The following PCBD2 variants were observed in gnomAD, a reference collection of about 807,000 sequenced individuals.
The protein encoded by PCBD2 is pterin-4 alpha-carbinolamine dehydratase 2, also known as pterin-4-alpha-carbinolamine dehydratase 2.
A neutral mutation model predicts 16.4 loss-of-function variants in PCBD2; 12 were observed. The observed-to-expected ratio is 0.73, with a 90% CI of 0.47 to 1.19. The LOEUF (loss-of-function observed/expected upper bound fraction) is 1.19. PCBD2 is among the 50% of genes most tolerant of loss of function. The pLI is 0.00. For missense variants in PCBD2, 138 were observed against 156.8 expected, an observed-to-expected ratio of 0.88 and a Z score of 0.64; for synonymous variants, 58 against 61.8, an observed-to-expected ratio of 0.94 and a Z score of 0.29.
At chr5:134,937,863 G>A (rs1010020493) in intron 2 of PCBD2, among the ~76,000 whole-genome samples, 7 of 152,344 alleles carry the variant, frequency 4.6e-5, no homozygotes, top group African/African-American at 1.4e-4. Flanking sequence ...TGATGCAAGC[G>A]TAAGTCTTCA....
At chr5:134,944,600 C>G (rs1751269460) in intron 2 of PCBD2, among the ~76,000 whole-genome samples, 1 of 151,852 alleles carries the variant, frequency 6.6e-6, no homozygotes, top group Non-Finnish European at 1.5e-5. Flanking sequence ...CACACCTGGT[C>G]CAGATTGTAC....
chr5:134,931,771 C>A (rs1187012393), intron 2 of PCBD2, among the ~76,000 whole-genome samples: 1 of 152,240 alleles, frequency 6.6e-6, no homozygotes, highest in East Asian at 1.9e-4. Flanking sequence ...CTCTGCTATT[C>A]AGAATTGAAT....
intron 2 of PCBD2, among the ~76,000 whole-genome samples, chr5:134,940,249 C>T (rs1017614791): frequency 1.3e-5 from 2 of 152,264 alleles, no homozygotes; most frequent in Admixed American, 6.5e-5. Flanking sequence ...CAAACTCTAA[C>T]AATTGTAAGG....
chr5:134,946,480 A>G (rs1751297017), intron 2 of PCBD2, among the ~76,000 whole-genome samples: 1 of 152,176 alleles, frequency 6.6e-6, no homozygotes, highest in South Asian at 2.1e-4. Flanking sequence ...TATTTGGATG[A>G]TGTACTTTTC....
rs191307925 is a variant in PCBD2 at position 134,943,854 on chromosome 5, C to T, written c.217-15186C>T. On this transcript the variant is annotated intron_variant, in intron 2 of 3. Coordinates refer to ENST00000254908, the MANE Select transcript of PCBD2 (RefSeq NM_032151.5). ...CCTATTTTACACTGATCTTTATGAG[C>T]AAAGATAATTATATATATTTGCCTG... 7.9e-5 allele frequency among the ~76,000 whole-genome samples: 12 copies of T among 152,254 alleles called. No individual in the cohort carries two copies. In the East Asian group the frequency reaches 2.3e-3, roughly 29 times the overall value.
intron 2 of PCBD2, among the ~76,000 whole-genome samples, chr5:134,951,068 A>C (rs1751354292): frequency 6.6e-6 from 1 of 152,310 alleles, no homozygotes. Context: ...TTTTTAAAAA[A>C]TAGATCAGGT....
At chr5:134,916,402 G>A (rs1274122038) in intron 2 of PCBD2, among the ~76,000 whole-genome samples, 1 of 152,132 alleles carries the variant, frequency 6.6e-6, no homozygotes, top group Admixed American at 6.6e-5. Flanking sequence ...ACAATTTTCA[G>A]GAGTATGATT....
intron 2 of PCBD2, chr5:134,924,841 A>G (rs1750964643): frequency 5.1e-6 from 2 of 391,928 alleles, no homozygotes; most frequent in African/African-American, 2.1e-5. Context: ...AAGAAGGCCT[A>G]GATAAGGGAC....
chr5:134,959,883 CTTTTTTTTTTTTTTT>C (rs776164485), intron 3 of PCBD2, among the ~76,000 whole-genome samples: 4 of 72,992 alleles, frequency 5.5e-5, no homozygotes, highest in Admixed American at 2.0e-4. Context: ...TAGAAATGTG[CTTTTTTTTTTTTTTT>C]TTTTTTTTTT....
chr5:134,923,934 G>A (rs1024053582), intron 2 of PCBD2: 38 of 394,262 alleles, frequency 9.6e-5, no homozygotes, highest in Middle Eastern at 1.3e-3. Flanking sequence ...GATTAGGCAG[G>A]CACCAAGAAG....
intron 2 of PCBD2, among the ~76,000 whole-genome samples, chr5:134,954,103 G>A (rs185364466): frequency 6.6e-6 from 1 of 152,206 alleles, no homozygotes; most frequent in African/African-American, 2.4e-5. Context: ...GACTACAGGT[G>A]CATGCCACCA....
intron 2 of PCBD2, among the ~76,000 whole-genome samples, chr5:134,946,728 T>G (rs1361579339): frequency 6.6e-6 from 1 of 152,184 alleles, no homozygotes; most frequent in South Asian, 2.1e-4. Context: ...AACTTAGGTG[T>G]TGCTTTGTTT....
chr5:134,949,867 T>C (rs1026217195), intron 2 of PCBD2, among the ~76,000 whole-genome samples: 1 of 152,222 alleles, frequency 6.6e-6, no homozygotes, highest in Non-Finnish European at 1.5e-5. Flanking sequence ...TTGCCTTGCA[T>C]TTTGCTTAAT....
intron 2 of PCBD2, chr5:134,925,886 G>A (rs1750986498): frequency 2.5e-6 from 1 of 393,302 alleles, no homozygotes. Flanking sequence ...GAGTTGGAGT[G>A]TAGGAGAAAT....
intron 2 of PCBD2, among the ~76,000 whole-genome samples, chr5:134,930,326 G>C (rs1751078467): frequency 6.6e-6 from 1 of 150,708 alleles, no homozygotes; most frequent in Non-Finnish European, 1.5e-5. Flanking sequence ...GGTTCCCCAT[G>C]GGTGATCCTA....
At chr5:134,955,977 T>C (rs959441417) in intron 2 of PCBD2, among the ~76,000 whole-genome samples, 3 of 152,254 alleles carry the variant, frequency 2.0e-5, no homozygotes, top group African/African-American at 7.2e-5. Context: ...TTCTCTCTTA[T>C]TCAGTCATCT....
At chr5:134,935,409 T>C (rs1037908439) in intron 2 of PCBD2, among the ~76,000 whole-genome samples, 2 of 152,218 alleles carry the variant, frequency 1.3e-5, no homozygotes, top group Non-Finnish European at 2.9e-5. Context: ...CATTATCCTT[T>C]GAGTCATCTC....
intron 2 of PCBD2, among the ~76,000 whole-genome samples, chr5:134,930,646 A>G (rs1004688487): frequency 6.6e-6 from 1 of 152,178 alleles, no homozygotes; most frequent in African/African-American, 2.4e-5. Flanking sequence ...AGTTGTCTCC[A>G]ACCATGAGAG....
chr5:134,928,694 G>A (rs1431305965), intron 2 of PCBD2, among the ~76,000 whole-genome samples: 3 of 152,172 alleles, frequency 2.0e-5, no homozygotes, highest in Non-Finnish European at 4.4e-5. Context: ...AATTAGCCAG[G>A]CGTGGTGGCG....
Sources: gnomAD v4.1 joint callset for allele counts (sites outside exome capture counted in the v4.1 genomes callset) on GRCh38, gnomAD v4.1.1 for gene constraint, MANE v1.5 for transcripts, NCBI Gene and HGNC (gene_info 2026-07-23, HGNC 2026-07-21) for gene names.